The following SNX29 variants were observed in gnomAD, a reference collection of about 807,000 sequenced individuals.
The protein encoded by SNX29 is sorting nexin-29.
Under a neutral mutation model 102.1 loss-of-function variants are expected in SNX29, and 78 were observed. The ratio of observed to expected loss-of-function variants is 0.76; its 90% CI spans 0.64 to 0.92. SNX29 has a LOEUF of 0.92. Ranked by LOEUF, SNX29 falls within the 40% of genes least tolerant of loss-of-function variation. The pLI is 0.00. For synonymous variants in SNX29, 580 were observed against 414.5 expected, an observed-to-expected ratio of 1.40 and a Z score of -4.85; for missense variants, 1,280 against 1,061.7, an observed-to-expected ratio of 1.21 and a Z score of -2.86.
intron 20 of SNX29, among the ~76,000 whole-genome samples, chr16:12,567,728 C>G (rs1030020357): frequency 6.6e-6 from 1 of 152,210 alleles, no homozygotes; most frequent in African/African-American, 2.4e-5. Context: ...CACGATTGCA[C>G]TGTAAAACCT....
In SNX29 at chr16:12,544,568, C is replaced by G. The variant is rs527898797; in HGVS notation, c.2318+19727C>G. ...CTCTGGAATGTTACAGTGATGGATT[C>G]ATTGTTCTGCAGGCATTTCTTAATG... is the stretch of plus-strand genomic sequence containing the variant. On this transcript the variant is annotated intron_variant, in intron 20 of 20. Transcript: ENST00000566228. Among the ~76,000 whole-genome samples the G allele has an allele frequency of 2.1e-3, 320 of 152,282 alleles. 3 individuals are homozygous for G. Among genetic ancestry groups the G allele is most frequent in the Non-Finnish European group, 2.5e-3 (168 of 68,014 alleles).
chr16:12,439,204 G>T (rs2085682634), intron 18 of SNX29, among the ~76,000 whole-genome samples: 1 of 152,188 alleles, frequency 6.6e-6, no homozygotes, highest in African/African-American at 2.4e-5. Flanking sequence ...AGCAGCCTCT[G>T]TAGGCAGGGA....
At chr16:12,475,708 TACTGCACATC>T (rs773297207) in intron 18 of SNX29, among the ~76,000 whole-genome samples, 3 of 152,260 alleles carry the variant, frequency 2.0e-5, no homozygotes, top group Non-Finnish European at 4.4e-5. Context: ...TAAAGTATCA[TACTGCACATC>T]ACTAGCCTGG....
chr16:12,551,624 C>T (rs930724918), intron 20 of SNX29, among the ~76,000 whole-genome samples: 2 of 152,206 alleles, frequency 1.3e-5, no homozygotes, highest in African/African-American at 4.8e-5. Flanking sequence ...GAGTCTGAGG[C>T]ATCAACCCAG....
chr16:12,477,611 C>G (rs921162968), intron 18 of SNX29, 108 bp from the exon 19 acceptor site: 8 of 1,323,346 alleles, frequency 6.0e-6, no homozygotes, highest in Admixed American at 2.3e-5. Context: ...GTGTGTGACA[C>G]AGATGTGACT....
At chr16:12,091,807 C>A (rs528331563) in intron 11 of SNX29, among the ~76,000 whole-genome samples, 1 of 150,368 alleles carries the variant, frequency 6.7e-6, no homozygotes, top group Non-Finnish European at 1.5e-5. Context: ...ACCCCAGAGA[C>A]CTTGTTTACC....
At chr16:12,153,152 C>T (rs1460475606) in intron 13 of SNX29, among the ~76,000 whole-genome samples, 2 of 152,182 alleles carry the variant, frequency 1.3e-5, no homozygotes, top group Non-Finnish European at 2.9e-5. Flanking sequence ...AATCCCATTG[C>T]TTTGGGAGGC....
At chr16:12,014,525 G>C (rs918949672) in intron 3 of SNX29, among the ~76,000 whole-genome samples, 1 of 151,972 alleles carries the variant, frequency 6.6e-6, no homozygotes, top group African/African-American at 2.4e-5. Flanking sequence ...CTGAGGTCAG[G>C]AGTTGGAGAC....
At chr16:12,036,212 C>T (rs544612168) in intron 4 of SNX29, among the ~76,000 whole-genome samples, 10 of 152,166 alleles carry the variant, frequency 6.6e-5, no homozygotes, top group East Asian at 1.9e-4. Flanking sequence ...GTAGCTGGGA[C>T]GACAGGTGTG....
intron 19 of SNX29, among the ~76,000 whole-genome samples, chr16:12,503,348 G>C (rs114573888): frequency 6.6e-6 from 1 of 152,228 alleles, no homozygotes; most frequent in Non-Finnish European, 1.5e-5. Flanking sequence ...TGCAGTCTAG[G>C]TGGGGAAAGT....
intron 20 of SNX29, among the ~76,000 whole-genome samples, chr16:12,542,869 G>C (rs1037002972): frequency 1.3e-5 from 2 of 151,980 alleles, no homozygotes; most frequent in Non-Finnish European, 2.9e-5. Context: ...CTAAATGTCT[G>C]AGTCTCTAGA....
chr16:12,421,754 T>C (rs2084879005), intron 18 of SNX29, among the ~76,000 whole-genome samples: 1 of 152,076 alleles, frequency 6.6e-6, no homozygotes, highest in East Asian at 1.9e-4. Context: ...ACCATCATTA[T>C]CATCATCACC....
intron 14 of SNX29, among the ~76,000 whole-genome samples, chr16:12,248,674 C>T (rs1392154920): frequency 1.3e-5 from 2 of 152,064 alleles, no homozygotes; most frequent in Non-Finnish European, 2.9e-5. Flanking sequence ...CCTCTGCCCC[C>T]AAAGTGCTGG....
intron 16 of SNX29, chr16:12,375,067 A>T (rs1402540110): frequency 6.6e-6 from 1 of 152,136 alleles, no homozygotes; most frequent in Non-Finnish European, 1.5e-5. Flanking sequence ...AAATGCATGG[A>T]TTGAAAAGGC....
At chr16:12,107,309 G>T (rs1290282061) in intron 11 of SNX29, among the ~76,000 whole-genome samples, 2 of 151,754 alleles carry the variant, frequency 1.3e-5, no homozygotes, top group Admixed American at 1.3e-4. Context: ...AGACAGCACG[G>T]GCCAATCTGA....
chr16:12,285,534 C>T (rs1001636012), intron 15 of SNX29, among the ~76,000 whole-genome samples: 7 of 152,226 alleles, frequency 4.6e-5, no homozygotes, highest in African/African-American at 1.4e-4. Flanking sequence ...TAAGCTTGAA[C>T]ATCAAGCTGG....
intron 11 of SNX29, among the ~76,000 whole-genome samples, chr16:12,084,736 C>A (rs1235507804): frequency 1.3e-5 from 2 of 152,082 alleles, no homozygotes; most frequent in Non-Finnish European, 2.9e-5. Context: ...ATGAAGATAA[C>A]TGTGATGTGC....
chr16:12,323,914 TA>T (rs1250252008), intron 15 of SNX29, among the ~76,000 whole-genome samples: 1 of 152,218 alleles, frequency 6.6e-6, no homozygotes, highest in Non-Finnish European at 1.5e-5. Flanking sequence ...AGTTGTTGTT[TA>T]AACTGTTCCA....
At chr16:12,125,464 A>G (rs983247060) in intron 11 of SNX29, among the ~76,000 whole-genome samples, 17 of 152,046 alleles carry the variant, frequency 1.1e-4, no homozygotes, top group Non-Finnish European at 2.4e-4. Flanking sequence ...TGCACGGTGT[A>G]TGGGACCTGG....
Sources: allele counts gnomAD v4.1 joint callset (sites outside exome capture counted in the v4.1 genomes callset), GRCh38; gene constraint gnomAD v4.1.1; transcripts MANE v1.5; gene names NCBI Gene and HGNC (gene_info 2026-07-23, HGNC 2026-07-21).